The following MEAK7 variants were observed in gnomAD, a reference collection of about 807,000 sequenced individuals.
MEAK7 encodes MTOR associated protein MEAK7.
In MEAK7, 68 loss-of-function variants were observed where a neutral mutation model predicts 40.5. That is an observed-to-expected ratio of 1.68 (90% CI 1.38 to 2.06). The LOEUF (loss-of-function observed/expected upper bound fraction) is 2.06. Ranked by LOEUF, MEAK7 falls within the 30% of genes most tolerant of loss-of-function variation. The pLI is 0.00. For synonymous variants in MEAK7, 338 were observed against 231.9 expected, an observed-to-expected ratio of 1.46 and a Z score of -4.16; for missense variants, 918 against 580.5, an observed-to-expected ratio of 1.58 and a Z score of -5.98.
Position 84,479,339 on chromosome 16 carries a change from C to A in MEAK7, c.*574G>T, listed in dbSNP as rs1280585853. ...GATGGCCTGAGTGAGGCCATATGAACCCCAGCGGGAGGAACCCCCTCCTCA... is the reference window on the plus strand; with the variant it reads ...GATGGCCTGAGTGAGGCCATATGAAACCCAGCGGGAGGAACCCCCTCCTCA... On this transcript the variant is annotated 3_prime_UTR_variant, in exon 8 of 8. Coordinates refer to ENST00000343629, the MANE Select transcript of MEAK7 (RefSeq NM_020947.4). The A allele has an allele frequency of 2.0e-5, 3 of 152,244 alleles. No individual in the cohort carries two copies. Among genetic ancestry groups the A allele is most frequent in the African/African-American group, 4.8e-5 (2 of 41,446 alleles). 9.4% of individuals were successfully genotyped at this position (152,244 alleles called of 1,614,324 possible).
At chr16:84,504,529 C>T in intron 1 of MEAK7, 72 bp downstream of exon 1, 2 of 929,780 alleles carry the variant, frequency 2.2e-6, no homozygotes, top group Non-Finnish European at 2.6e-6. Flanking sequence ...GACCCGTCTG[C>T]TCCAGTCCCC....
intron 1 of MEAK7, among the ~76,000 whole-genome samples, chr16:84,503,393 G>A (rs866598557): frequency 6.6e-6 from 1 of 152,088 alleles, no homozygotes; most frequent in African/African-American, 2.4e-5. Context: ...GCGCCCTGAT[G>A]TTTCCTCAGT....
rs771196346 is a variant in MEAK7, at chr16:84,495,840, G to C, written c.227C>G (p.Thr76Arg). The C allele has an allele frequency of 6.2e-7, 1 of 1,614,100 alleles. No homozygotes were observed. The highest frequency in any genetic ancestry group is 8.5e-7 in the Non-Finnish European group (1 of 1,180,032). ...CTCACTGGGTCCCTTCGCCTTCCCTGTCAGGTCGACCCTCCGCATGCCATC... is the reference window on the plus strand; with the variant it reads ...CTCACTGGGTCCCTTCGCCTTCCCTCTCAGGTCGACCCTCCGCATGCCATC... Reference protein sequence around the residue: ...LYDGMRRVDLTGKAKGPSENV... With the variant: ...LYDGMRRVDLRGKAKGPSENV... The change falls in exon 3 of 8, where the codon ACA (threonine) becomes AGA (arginine). Residue 76 changes from threonine (T) to arginine (R), a missense_variant. Transcript: ENST00000343629.
chr16:84,497,895 G>A (rs557134539), intron 2 of MEAK7, 39 bp downstream of exon 2: 26 of 1,613,072 alleles, frequency 1.6e-5, no homozygotes, highest in Admixed American at 3.3e-5. Flanking sequence ...GCAGACCCCT[G>A]CTCCCAACTA....
chr16:84,482,836 T>C, intron 5 of MEAK7, 126 bp from the exon 6 acceptor site: 1 of 1,426,436 alleles, frequency 7.0e-7, no homozygotes, highest in South Asian at 1.4e-5. Context: ...CATGTCCAGG[T>C]GTCGGCAGAT....
chr16:84,488,616 T>C (rs569598136), intron 4 of MEAK7, among the ~76,000 whole-genome samples: 2 of 152,174 alleles, frequency 1.3e-5, no homozygotes, highest in Admixed American at 6.5e-5. Flanking sequence ...TGAAATATAA[T>C]CAAAAATCAG....
intron 5 of MEAK7, 35 bp from the exon 6 acceptor site, chr16:84,482,745 G>A (rs369395729): frequency 5.5e-5 from 88 of 1,611,796 alleles, no homozygotes; most frequent in African/African-American, 1.9e-4. Context: ...AAACAGGGTC[G>A]GTGTCTGAGC....
intron 5 of MEAK7, among the ~76,000 whole-genome samples, chr16:84,484,140 G>A (rs1451185469): frequency 6.6e-6 from 1 of 152,206 alleles, no homozygotes; most frequent in African/African-American, 2.4e-5. Flanking sequence ...GGGCCACAGA[G>A]TTCAGGCCTC....
At chr16:84,497,353 C>A in intron 2 of MEAK7, 1 of 1,189,902 alleles carries the variant, frequency 8.4e-7, no homozygotes. Context: ...GCAAGATGAG[C>A]CTTGAATCTA....
Position 84,480,565 on chromosome 16 carries a change from C to A in MEAK7, c.1221G>T (p.Glu407Asp), listed in dbSNP as rs147304005. Reference protein sequence around the residue: ...AQENFQFDKMEVWAVGDPSEE... With the variant: ...AQENFQFDKMDVWAVGDPSEE... ...CTGAGGGGTCTCCAACCGCCCACAC[C>A]TCCATCTTATCAAACTGGAAGTTCT... Residue 407 changes from glutamate to aspartate, a missense_variant, in exon 7 of 8, where the codon GAG becomes GAT. Glu to Asp is a conservative substitution (Grantham distance 45, BLOSUM62 2). Transcript: ENST00000343629. 2.1e-5 allele frequency: 34 copies of A among 1,613,662 alleles called. No homozygotes were observed. The African/African-American group carries it at 4.5e-4, about 22-fold the overall frequency.
At chr16:84,504,217 TACCCCAGACTCGCCTCCTCC>T in intron 1 of MEAK7, 1 of 943,386 alleles carries the variant, frequency 1.1e-6, no homozygotes, top group Non-Finnish European at 1.3e-6. Flanking sequence ...CTTCAGTGTC[TACCCCAGACTCGCCTCCTCC>T]GTGGAGGCAC....
chr16:84,498,695 C>T (rs1389188741), intron 1 of MEAK7, among the ~76,000 whole-genome samples: 2 of 152,128 alleles, frequency 1.3e-5, no homozygotes, highest in African/African-American at 2.4e-5. Context: ...GGTTTGAGAA[C>T]ATAGTGCCCA....
rs922305303 is a variant in MEAK7 at position 84,497,415 on chromosome 16, A to G, written c.153+519T>C. On this transcript the variant is annotated intron_variant, in intron 2 of 7. Transcript: ENST00000343629. ...CATGAAATTCCTAGCCATCAAACAC[A>G]TACACATTCTAGAGGCAACGGTGCA... is the stretch of plus-strand genomic sequence containing the variant. The G allele has an allele frequency of 4.7e-6, 6 of 1,286,282 alleles. No individual in the cohort carries two copies. The African/African-American group carries it at 7.6e-5, about 16-fold the overall frequency. 79.7% of individuals were successfully genotyped at this position (1,286,282 alleles called of 1,614,324 possible). A position where few individuals can be genotyped will look rare whatever the true frequency, so the allele number is the denominator to read the frequency against.
At chr16:84,482,740 G>T (rs372962639) in intron 5 of MEAK7, 30 bp from the exon 6 acceptor site, 1 of 1,612,752 alleles carries the variant, frequency 6.2e-7, no homozygotes, top group Non-Finnish European at 8.5e-7. Context: ...AAAACAAACA[G>T]GGTCGGTGTC....
Position 84,498,014 on chromosome 16 carries a change from C to A in MEAK7, c.73G>T (p.Asp25Tyr), listed in dbSNP as rs758736603. 1.2e-6 allele frequency: 2 copies of A among 1,614,062 alleles called. No homozygotes were observed. Among genetic ancestry groups the A allele is most frequent in the East Asian group, 2.2e-5 (1 of 44,896 alleles). Residue 25 changes from aspartate (D) to tyrosine (Y), a missense_variant, in exon 2 of 8, where the codon GAT (aspartate) becomes TAT (tyrosine). Asp to Tyr is a radical substitution (Grantham distance 160). Coordinates refer to ENST00000343629, the MANE Select transcript of MEAK7 (RefSeq NM_020947.4). The stretch of plus-strand genomic sequence containing the variant: ...GATGACAGAGCATCAAACAATTGAT[C>A]AATCTCTGCCTGTTCCTCAGGAAGA... The part of the protein sequence containing the change: ...QFLPEEQAEI[D>Y]QLFDALSSDK...
At chr16:84,501,992 A>G (rs540649333) in intron 1 of MEAK7, among the ~76,000 whole-genome samples, 2 of 152,270 alleles carry the variant, frequency 1.3e-5, no homozygotes, top group East Asian at 1.9e-4. Flanking sequence ...TAAAAATACA[A>G]AATTAACCGG....
At chr16:84,491,634 C>A (rs1913621024) in intron 3 of MEAK7, among the ~76,000 whole-genome samples, 1 of 150,328 alleles carries the variant, frequency 6.7e-6, no homozygotes, top group Non-Finnish European at 1.5e-5. Flanking sequence ...GTCAGGAGAT[C>A]AAGGCCATAC....
At chr16:84,482,835 G>T in intron 5 of MEAK7, 125 bp from the exon 6 acceptor site, 1 of 1,432,488 alleles carries the variant, frequency 7.0e-7, no homozygotes, top group Non-Finnish European at 9.5e-7. Context: ...CCATGTCCAG[G>T]TGTCGGCAGA....
intron 2 of MEAK7, chr16:84,497,370 GA>G (rs1567504020): frequency 5.7e-6 from 7 of 1,229,444 alleles, no homozygotes; most frequent in Non-Finnish European, 7.4e-6. Flanking sequence ...TCTAAAATGT[GA>G]TTATTTTGTT....
Sources: allele counts gnomAD v4.1 joint callset (sites outside exome capture counted in the v4.1 genomes callset), GRCh38; gene constraint gnomAD v4.1.1; transcripts MANE v1.5; gene names NCBI Gene and HGNC (gene_info 2026-07-23, HGNC 2026-07-21).